Variants in PREX2 observed in about 807,000 individuals in gnomAD.
PREX2 encodes phosphatidylinositol 3,4,5-trisphosphate-dependent Rac exchanger 2 protein.
A neutral mutation model predicts 203.2 loss-of-function variants in PREX2; 107 were observed. The observed-to-expected ratio is 0.53, with a 90% CI of 0.45 to 0.62. The LOEUF (loss-of-function observed/expected upper bound fraction) is 0.62. Among genes scored for constraint, PREX2 ranks in the 20% least tolerant of loss-of-function variants. The pLI is 0.00. For missense variants in PREX2, 1,777 were observed against 1,955.9 expected, an observed-to-expected ratio of 0.91 and a Z score of 1.72; for synonymous variants, 672 against 663.6, an observed-to-expected ratio of 1.01 and a Z score of -0.19.
chr8:67,987,025 TGC>T (rs1806451727), intron 1 of PREX2, among the ~76,000 whole-genome samples: 2 of 151,542 alleles, frequency 1.3e-5, no homozygotes, highest in African/African-American at 4.8e-5. Flanking sequence ...CGGTGTCAGG[TGC>T]CTGTAGTCCC....
chr8:68,220,857 C>A (rs1054743529), intron 38 of PREX2, among the ~76,000 whole-genome samples: 1 of 152,130 alleles, frequency 6.6e-6, no homozygotes, highest in Non-Finnish European at 1.5e-5. Context: ...ATTAAAAGCA[C>A]AGAACAAGTT....
At chr8:68,210,460 T>C (rs2129615117) in intron 37 of PREX2, among the ~76,000 whole-genome samples, 1 of 152,306 alleles carries the variant, frequency 6.6e-6, no homozygotes, top group South Asian at 2.1e-4. Flanking sequence ...AAAATATCAG[T>C]GTTCCTGACA....
intron 6 of PREX2, among the ~76,000 whole-genome samples, chr8:68,031,174 AT>A (rs1172374518): frequency 6.6e-6 from 1 of 152,154 alleles, no homozygotes; most frequent in Non-Finnish European, 1.5e-5. Context: ...CACTAAGGAA[AT>A]TTTTTTATGC....
chr8:68,168,349 A>G lies in PREX2; in HGVS notation c.4346+10913A>G, dbSNP rs150403182. 6.5e-3 allele frequency among the ~76,000 whole-genome samples: 997 copies of G among 152,312 alleles called. 8 individuals are homozygous for G. Among genetic ancestry groups the G allele is most frequent in the African/African-American group, 0.023 (952 of 41,572 alleles). Reference sequence around the variant, plus strand: ...TTATTAAAAAACAGAAATGTAATATATACTCATATCAAACAGACAGCTGAC... The same window carrying G: ...TTATTAAAAAACAGAAATGTAATATGTACTCATATCAAACAGACAGCTGAC... On this transcript the variant is annotated intron_variant, in intron 35 of 39. Coordinates refer to ENST00000288368, the MANE Select transcript of PREX2 (RefSeq NM_024870.4).
intron 3 of PREX2, 113 bp from the exon 4 acceptor site, chr8:68,021,923 A>G (rs1807579642): frequency 6.3e-6 from 4 of 631,446 alleles, no homozygotes; most frequent in South Asian, 5.5e-5. Context: ...TACACGCAGT[A>G]TAGCTCTTAA....
chr8:68,004,915 G>A (rs1807050205), intron 1 of PREX2, among the ~76,000 whole-genome samples: 1 of 152,194 alleles, frequency 6.6e-6, no homozygotes, highest in South Asian at 2.1e-4. Flanking sequence ...CAGAAGGGGA[G>A]ATTTTAATGA....
At chr8:68,193,715 T>C (rs1046191097) in intron 37 of PREX2, among the ~76,000 whole-genome samples, 1 of 152,110 alleles carries the variant, frequency 6.6e-6, no homozygotes, top group Non-Finnish European at 1.5e-5. Context: ...AGAGGGAGAA[T>C]AGATTTTGAG....
chr8:68,102,929 T>A (rs1303251244), intron 23 of PREX2: 1 of 517,904 alleles, frequency 1.9e-6, no homozygotes, highest in Non-Finnish European at 3.9e-6. Flanking sequence ...TGGGGACAAT[T>A]CGGAAGTAAA....
At chr8:68,229,193 G>T (rs1813118293) in intron 39 of PREX2, among the ~76,000 whole-genome samples, 1 of 139,002 alleles carries the variant, frequency 7.2e-6, no homozygotes, top group Non-Finnish European at 1.6e-5. Flanking sequence ...GGAAAGTTCT[G>T]CTCTTGGCAG....
intron 21 of PREX2, among the ~76,000 whole-genome samples, chr8:68,094,455 G>A (rs1475004456): frequency 1.3e-5 from 2 of 152,202 alleles, no homozygotes; most frequent in Non-Finnish European, 2.9e-5. Flanking sequence ...GCTCTGTTCA[G>A]TGGCTTCTTT....
rs76621482 is a variant in PREX2 at position 68,043,960 on chromosome 8, G to A, written c.840-527G>A. On this transcript the variant is annotated intron_variant, in intron 7 of 39. Transcript: ENST00000288368. ...GGATTGCAAAGGTATTAAGAGACTT[G>A]TTCAACAAGTATACAGTGATTATAT... Among the ~76,000 whole-genome samples, 423 of 152,146 alleles carry A rather than the reference G, an allele frequency of 2.8e-3. 9 individuals carry two copies. The East Asian group carries it at 0.036, about 13-fold the overall frequency.
chr8:68,031,428 C>G (rs1370854931), intron 6 of PREX2, among the ~76,000 whole-genome samples: 1 of 152,098 alleles, frequency 6.6e-6, no homozygotes, highest in Non-Finnish European at 1.5e-5. Context: ...TGAAAATGCT[C>G]CTAGCCAAAT....
At chr8:68,016,578 A>T (rs1807414788) in intron 1 of PREX2, among the ~76,000 whole-genome samples, 1 of 152,164 alleles carries the variant, frequency 6.6e-6, no homozygotes, top group Non-Finnish European at 1.5e-5. Context: ...AAGTCCTAGA[A>T]GTAGTATCTC....
chr8:67,959,918 A>G (rs1199135875), intron 1 of PREX2, among the ~76,000 whole-genome samples: 2 of 152,152 alleles, frequency 1.3e-5, no homozygotes, highest in Non-Finnish European at 2.9e-5. Flanking sequence ...TGTATGTCTC[A>G]GTTTCATATT....
chr8:67,953,978 T>C (rs914283198), intron 1 of PREX2, among the ~76,000 whole-genome samples: 4 of 152,242 alleles, frequency 2.6e-5, no homozygotes, highest in Admixed American at 6.5e-5. Flanking sequence ...ACATAATTAC[T>C]CTTTCTGAAG....
chr8:68,228,972 G>GAAAA (rs60452917), intron 39 of PREX2, among the ~76,000 whole-genome samples: 4 of 117,270 alleles, frequency 3.4e-5, no homozygotes, highest in East Asian at 9.2e-4. Flanking sequence ...AAAAAAGAAA[G>GAAAA]AAAAAAATGG....
chr8:68,215,345 G>T (rs1812812943), intron 37 of PREX2, among the ~76,000 whole-genome samples: 1 of 152,116 alleles, frequency 6.6e-6, no homozygotes, highest in Admixed American at 6.5e-5. Context: ...ACATATTTCA[G>T]CATGATTAGA....
At chr8:68,222,387 A>AT (rs1812969851) in intron 38 of PREX2, among the ~76,000 whole-genome samples, 1 of 152,062 alleles carries the variant, frequency 6.6e-6, no homozygotes, top group South Asian at 2.1e-4. Context: ...AAGGCACAAG[A>AT]AACAACCAGA....
chr8:68,028,748 C>T (rs192240208), intron 5 of PREX2, among the ~76,000 whole-genome samples: 1 of 151,972 alleles, frequency 6.6e-6, no homozygotes, highest in Admixed American at 6.6e-5. Flanking sequence ...TTATTCCTGA[C>T]CCTGATTTTG....
Sources: allele counts gnomAD v4.1 joint callset (sites outside exome capture counted in the v4.1 genomes callset), GRCh38; gene constraint gnomAD v4.1.1; transcripts MANE v1.5; gene names NCBI Gene and HGNC (gene_info 2026-07-23, HGNC 2026-07-21).